Variants in TTC3 observed in about 807,000 individuals in gnomAD.
TTC3 encodes the protein E3 ubiquitin-protein ligase TTC3.
A neutral mutation model predicts 249.6 loss-of-function variants in TTC3; 180 were observed. The ratio of observed to expected loss-of-function variants is 0.72; its 90% CI spans 0.64 to 0.82. The LOEUF is 0.82. TTC3 is among the 40% of genes least tolerant of loss of function. The probability of loss-of-function intolerance (pLI) is 0.00; values close to 1 mark genes in which losing one functional copy is unlikely to be tolerated. For synonymous variants in TTC3, 717 were observed against 805.0 expected (o/e 0.89, Z 1.85); for missense variants, 2,061 against 2,398.4 (o/e 0.86, Z 2.94).
At chr21:37,075,341 G>A (rs924634181) in intron 1 of TTC3, among the ~76,000 whole-genome samples, 2 of 152,052 alleles carry the variant, frequency 1.3e-5, no homozygotes, top group Non-Finnish European at 2.9e-5. Context: ...TTCAGTTTTT[G>A]ACTCTTAAAA....
intron 10 of TTC3, chr21:37,098,949 T>G (rs1219600837): frequency 6.6e-6 from 1 of 152,120 alleles, no homozygotes; most frequent in Non-Finnish European, 1.5e-5. Flanking sequence ...CAGGGACAGC[T>G]GGGGGTAAAG....
At chr21:37,111,397 G>A (rs942705063) in intron 11 of TTC3, among the ~76,000 whole-genome samples, 4 of 152,158 alleles carry the variant, frequency 2.6e-5, no homozygotes, top group Non-Finnish European at 5.9e-5. Context: ...GGCAGGGGTT[G>A]CAATCCTAGT....
intron 41 of TTC3, 28 bp from the exon 42 acceptor site, chr21:37,195,647 G>T (rs1569196977): frequency 6.4e-7 from 1 of 1,565,870 alleles, no homozygotes; most frequent in South Asian, 1.2e-5. Flanking sequence ...AGCCCTAAGT[G>T]ATCCATGGTG....
intron 7 of TTC3, among the ~76,000 whole-genome samples, chr21:37,092,814 C>T (rs2073444406): frequency 6.6e-6 from 1 of 151,550 alleles, no homozygotes; most frequent in South Asian, 2.1e-4. Context: ...TTTTTTTTTG[C>T]CACTTTAAAA....
intron 16 of TTC3, among the ~76,000 whole-genome samples, chr21:37,132,195 A>G (rs186576632): frequency 2.0e-5 from 3 of 152,286 alleles, no homozygotes; most frequent in East Asian, 1.9e-4. Flanking sequence ...CAAAATGCCA[A>G]TTCCCCCCAA....
chr21:37,164,620 G>A (rs1450029282), intron 32 of TTC3, among the ~76,000 whole-genome samples: 7 of 152,158 alleles, frequency 4.6e-5, no homozygotes, highest in Admixed American at 3.3e-4. Flanking sequence ...TTACAGGCAT[G>A]AGCCACCTCG....
chr21:37,161,881 A>C (rs2080790309), intron 30 of TTC3, 109 bp from the exon 31 acceptor site: 1 of 666,316 alleles, frequency 1.5e-6, no homozygotes, highest in Non-Finnish European at 2.4e-6. Context: ...CTTATATATC[A>C]GCAATTTGTA....
intron 6 of TTC3, among the ~76,000 whole-genome samples, chr21:37,091,057 T>C (rs2073198634): frequency 6.6e-6 from 1 of 152,130 alleles, no homozygotes; most frequent in Non-Finnish European, 1.5e-5. Context: ...CATCTTGAGC[T>C]CTGAGGGTGG....
chr21:37,143,345 C>T (rs1254971125), intron 20 of TTC3, among the ~76,000 whole-genome samples: 2 of 152,256 alleles, frequency 1.3e-5, no homozygotes, highest in Admixed American at 6.5e-5. Flanking sequence ...GCAATCTACT[C>T]ATCTGACGAA....
chr21:37,160,661 T>G, intron 29 of TTC3, 141 bp from the exon 30 acceptor site: 2 of 789,840 alleles, frequency 2.5e-6, no homozygotes, highest in Non-Finnish European at 4.1e-6. Flanking sequence ...CTTGGGCTGA[T>G]ACACTGTAGT....
Position 37,077,112 on chromosome 21 carries a change from T to C in TTC3, c.-12+3748T>C, listed in dbSNP as rs922135927. On this transcript the variant is annotated intron_variant, in intron 1 of 45. Transcript: ENST00000355666. ...TCCAATAAAGTTGCTTTTTTTTTTATGTTATCAGGGTATATTTTTTGGCCA... is the reference window on the plus strand; with the variant it reads ...TCCAATAAAGTTGCTTTTTTTTTTACGTTATCAGGGTATATTTTTTGGCCA... Among the ~76,000 whole-genome samples, 2 of 150,138 alleles carry C rather than the reference T, an allele frequency of 1.3e-5. 1 individual carries two copies. The highest frequency in any genetic ancestry group is 1.3e-4 in the Admixed American group (2 of 15,008).
chr21:37,174,048 A>G (rs1468335587), intron 35 of TTC3, among the ~76,000 whole-genome samples: 1 of 152,198 alleles, frequency 6.6e-6, no homozygotes, highest in African/African-American at 2.4e-5. Flanking sequence ...TTGGAGACAT[A>G]GTCTTAAAGG....
At chr21:37,168,000 A>C (rs1241478579) in intron 34 of TTC3, among the ~76,000 whole-genome samples, 1 of 152,130 alleles carries the variant, frequency 6.6e-6, no homozygotes, top group Admixed American at 6.5e-5. Flanking sequence ...ATTCATGCGA[A>C]TAATACAGAA....
In TTC3 at chr21:37,087,496, C is replaced by T. The variant is rs548398544; in HGVS notation, c.144+95C>T. 3.2e-4 allele frequency: 462 copies of T among 1,459,578 alleles called. 5 individuals carry two copies. In the South Asian group the frequency reaches 5.4e-3, roughly 17 times the overall value. The allele number at this position is 1,459,578 out of a possible 1,614,324, so 90.4% of individuals were successfully genotyped here. A position where few individuals can be genotyped will look rare whatever the true frequency, so the allele number is the denominator to read the frequency against. ...AGTAAAGATGTTTTTGTGGTACGTG[C>T]GTTTTGACAGGGAGGTACACATGCT... On this transcript the variant is annotated intron_variant, in intron 2 of 45. Coordinates refer to ENST00000355666, the Ensembl canonical transcript of TTC3.
chr21:37,176,870 A>G (rs913160439), intron 35 of TTC3, among the ~76,000 whole-genome samples: 6 of 152,214 alleles, frequency 3.9e-5, no homozygotes, highest in Non-Finnish European at 8.8e-5. Context: ...AGAGAAGGTC[A>G]GCTCCACGGC....
exon 46 of TTC3, chr21:37,202,221 T>C (rs1391039984): frequency 6.6e-6 from 1 of 152,244 alleles, no homozygotes; most frequent in Non-Finnish European, 1.5e-5. Context: ...GTTTTAAGTG[T>C]TTGCTTTTCA....
exon 15 of TTC3, chr21:37,126,112 T>G (rs1713145607): frequency 6.2e-7 from 1 of 1,612,268 alleles, no homozygotes; most frequent in Non-Finnish European, 8.5e-7. Context: ...TAGATGATTG[T>G]GACTGTCATC....
In TTC3 at chr21:37,186,362, C is replaced by G. The variant is rs553106321; in HGVS notation, c.4826+588C>G. 9.0e-4 allele frequency among the ~76,000 whole-genome samples: 137 copies of G among 152,252 alleles called. 1 individual carries two copies. The highest frequency in any genetic ancestry group is 3.1e-3 in the African/African-American group (130 of 41,534). On this transcript the variant is annotated intron_variant, in intron 37 of 45. Coordinates refer to ENST00000355666, the Ensembl canonical transcript of TTC3. ...ACAGATTTCTTTTTCCCTTTGGGTT[C>G]TGTCCTTGTAATATGCGTCAAAACA...
intron 38 of TTC3, chr21:37,187,848 G>A (rs2083476929): frequency 6.6e-6 from 1 of 152,126 alleles, no homozygotes; most frequent in Non-Finnish European, 1.5e-5. Context: ...ATACTTTTTG[G>A]GTCCTACACC....
Sources: allele counts gnomAD v4.1 joint callset (sites outside exome capture counted in the v4.1 genomes callset), GRCh38; gene constraint gnomAD v4.1.1; transcripts MANE v1.5; gene names NCBI Gene and HGNC (gene_info 2026-07-23, HGNC 2026-07-21).